ATP12A: variants seen among roughly 807,000 people sequenced by gnomAD.
ATP12A encodes potassium-transporting ATPase alpha chain 2.
Under a neutral mutation model 111.2 loss-of-function variants are expected in ATP12A, and 81 were observed. The ratio of observed to expected loss-of-function variants is 0.73; its 90% CI spans 0.61 to 0.88. The LOEUF is 0.88. ATP12A is among the 40% of genes least tolerant of loss of function. ATP12A has a pLI of 0.00. For synonymous variants in ATP12A, 498 were observed against 499.8 expected, an observed-to-expected ratio of 1.00 and a Z score of 0.05; for missense variants, 1,196 against 1,313.1, an observed-to-expected ratio of 0.91 and a Z score of 1.38.
chr13:24,690,212 G>T, intron 5 of ATP12A, 126 bp from the exon 6 acceptor site: 5 of 1,427,926 alleles, frequency 3.5e-6, no homozygotes, highest in South Asian at 1.3e-5. Flanking sequence ...TAACAGCATG[G>T]ACTCAACAGT....
chr13:24,690,880 G>A, intron 7 of ATP12A, 102 bp from the exon 8 acceptor site: 1 of 1,513,596 alleles, frequency 6.6e-7, no homozygotes. Flanking sequence ...TGGGAATGTG[G>A]TGTGCCTATC....
At chr13:24,693,991 C>G (rs1371945941) in intron 10 of ATP12A, among the ~76,000 whole-genome samples, 1 of 152,138 alleles carries the variant, frequency 6.6e-6, no homozygotes, top group African/African-American at 2.4e-5. Flanking sequence ...AAAATCTCTC[C>G]GTACTTCCCT....
chr13:24,688,348 C>T lies in ATP12A; in HGVS notation c.258C>T (p.Leu86=). The T allele has an allele frequency of 6.2e-7, 1 of 1,613,880 alleles. No homozygotes were observed. Among genetic ancestry groups the T allele is most frequent in the Non-Finnish European group, 8.5e-7 (1 of 1,179,904 alleles). Residue 86 remains leucine, a synonymous_variant, in exon 4 of 23, where the codon CTC becomes CTT. Transcript: ENST00000381946. ...TCTCCAGCACCAGAGCTGCCGAGCT[C>T]CTGGCCCGGGATGGGCCCAACTCCC... ...MGLSSTRAAE[L]LARDGPNSLT... is the part of the protein sequence containing the mutation.
intron 17 of ATP12A, among the ~76,000 whole-genome samples, chr13:24,708,900 G>GAAAGAAA (rs1172837437): frequency 8.9e-4 from 58 of 65,186 alleles, no homozygotes; most frequent in Admixed American, 2.4e-3. Context: ...AAGAAAGAAA[G>GAAAGAAA]GAAAGAAAGA....
Position 24,711,621 on chromosome 13 carries a change from C to G in ATP12A, c.*99C>G. The G allele has an allele frequency of 6.5e-7, 1 of 1,528,462 alleles. No individual in the cohort carries two copies. The highest frequency in any genetic ancestry group is 1.8e-5 in the Admixed American group (1 of 56,084). 94.7% of individuals were successfully genotyped at this position (1,528,462 alleles called of 1,614,324 possible). On this transcript the variant is annotated 3_prime_UTR_variant, in exon 23 of 23. Coordinates refer to ENST00000381946, the MANE Select transcript of ATP12A (RefSeq NM_001676.7). ...TATTCCCCTGCAGTGCAGACATCGTCAAAATTCAGACAAGAGGAAATTTTC... is the reference window on the plus strand; with the variant it reads ...TATTCCCCTGCAGTGCAGACATCGTGAAAATTCAGACAAGAGGAAATTTTC...
chr13:24,698,908 G>A lies in ATP12A; in HGVS notation c.1705+58G>A, dbSNP rs140528807. ...TGGTGGGCACAGAGATGAGGCAGGC[G>A]CCTTGAGGACCTGTGACCTAGCCCA... On this transcript the variant is annotated intron_variant, in intron 12 of 22. Coordinates refer to ENST00000381946, the MANE Select transcript of ATP12A (RefSeq NM_001676.7). 1,638 of 1,582,532 alleles carry A rather than the reference G, an allele frequency of 1.0e-3. 12 individuals are homozygous for A. In the African/African-American group the frequency reaches 0.019, roughly 19 times the overall value.
intron 11 of ATP12A, among the ~76,000 whole-genome samples, chr13:24,698,405 G>A (rs529760452): frequency 1.6e-4 from 24 of 152,148 alleles, no homozygotes; most frequent in African/African-American, 5.5e-4. Context: ...ACACGCTGAC[G>A]GCCACAACTA....
Position 24,712,050 on chromosome 13 carries a change from T to C in ATP12A, c.*528T>C. 1 of 165,856 alleles carries C rather than the reference T, an allele frequency of 6.0e-6. No individual in the cohort carries two copies. Among genetic ancestry groups the C allele is most frequent in the South Asian group, 1.6e-4 (1 of 6,314 alleles). The allele number at this position is 165,856 out of a possible 1,614,324, so 10.3% of individuals were successfully genotyped here. A position where few individuals can be genotyped will look rare whatever the true frequency, so the allele number is the denominator to read the frequency against. The stretch of plus-strand genomic sequence containing the variant: ...CAGGTTTACATCACAGCAGCACGCA[T>C]GACCTCAGCTTTGACTCGTTTAACT... On this transcript the variant is annotated 3_prime_UTR_variant, in exon 23 of 23. Transcript: ENST00000381946.
rs1273615943 is a variant in ATP12A, at chr13:24,683,732, G to A, written c.169-1582G>A. ...AGATTTTTTTTTCTACCTCTTAAGG[G>A]TTACTAGGAAGATTAAATGAGATAA... On this transcript the variant is annotated intron_variant, in intron 2 of 22. Transcript: ENST00000381946. Among the ~76,000 whole-genome samples, 3 of 152,196 alleles carry A rather than the reference G, an allele frequency of 2.0e-5. No homozygotes were observed. In the East Asian group the frequency reaches 5.8e-4, roughly 29 times the overall value.
intron 22 of ATP12A, 41 bp from the exon 23 acceptor site, chr13:24,711,453 C>T: frequency 1.2e-6 from 2 of 1,614,168 alleles, no homozygotes; most frequent in Non-Finnish European, 1.7e-6. Flanking sequence ...CCCACTTCAA[C>T]AGACTCTCCA....
chr13:24,692,674 C>T lies in ATP12A; in HGVS notation c.1267+47C>T, dbSNP rs768718274. 6 of 1,599,310 alleles carry T rather than the reference C, an allele frequency of 3.8e-6. No individual in the cohort carries two copies. In the African/African-American group the frequency reaches 4.0e-5, roughly 11 times the overall value. ...GTCTGGCCAAAGCTGTGGACTCCAT[C>T]CTGGGGCTGAGCTGAGCACACAGCA... On this transcript the variant is annotated intron_variant, in intron 9 of 22. Coordinates refer to ENST00000381946, the MANE Select transcript of ATP12A (RefSeq NM_001676.7).
chr13:24,702,735 CA>C (rs1235845771), intron 14 of ATP12A, among the ~76,000 whole-genome samples: 1 of 152,168 alleles, frequency 6.6e-6, no homozygotes, highest in Non-Finnish European at 1.5e-5. Flanking sequence ...GCAAACTGAA[CA>C]ATACTATCCA....
At chr13:24,686,380 C>T (rs1248344871) in intron 3 of ATP12A, among the ~76,000 whole-genome samples, 1 of 139,498 alleles carries the variant, frequency 7.2e-6, no homozygotes, top group Non-Finnish European at 1.5e-5. Context: ...GCAGAGGTTG[C>T]GGTGAGCCAA....
intron 3 of ATP12A, among the ~76,000 whole-genome samples, chr13:24,686,724 G>A (rs1874685278): frequency 6.6e-6 from 1 of 151,896 alleles, no homozygotes; most frequent in African/African-American, 2.4e-5. Context: ...GGGCGACAGA[G>A]CGAGACTCTG....
chr13:24,705,193 T>C (rs1875572225), intron 14 of ATP12A, among the ~76,000 whole-genome samples: 2 of 152,210 alleles, frequency 1.3e-5, no homozygotes, highest in African/African-American at 2.4e-5. Context: ...GGCTGAAATG[T>C]AGTGTTAGCC....
At chr13:24,680,797 CA>C in intron 1 of ATP12A, 45 bp downstream of exon 1, 1 of 1,471,808 alleles carries the variant, frequency 6.8e-7, no homozygotes, top group Non-Finnish European at 8.9e-7. Context: ...GACGCTGGGC[CA>C]AGGCCCCGGG....
At position 24,681,550 on chromosome 13, in the gene ATP12A, C is replaced by T; in HGVS notation, c.10-12C>T. On this transcript the variant is annotated splice_polypyrimidine_tract_variant and intron_variant, in intron 1 of 22. Transcript: ENST00000381946. ...ATTTGGGGCCAATATTGCACCTGGGCTTCTCTTTCAGAAAACCCCAGAAAT... is the reference window on the plus strand; with the variant it reads ...ATTTGGGGCCAATATTGCACCTGGGTTTCTCTTTCAGAAAACCCCAGAAAT... 1 of 1,608,782 alleles carries T rather than the reference C, an allele frequency of 6.2e-7. No homozygotes were observed. The highest frequency in any genetic ancestry group is 8.5e-7 in the Non-Finnish European group (1 of 1,178,636).
chr13:24,710,511 G>A lies in ATP12A; in HGVS notation c.2815G>A (p.Val939Ile). 1 of 1,614,214 alleles carries A rather than the reference G, an allele frequency of 6.2e-7. No individual in the cohort carries two copies. The highest frequency in any genetic ancestry group is 8.5e-7 in the Non-Finnish European group (1 of 1,180,036). Residue 939 changes from valine (V) to isoleucine (I), a missense_variant, in exon 20 of 23, where the codon GTT becomes ATT. By Grantham distance (29) the Val-to-Ile change is conservative (BLOSUM62 3). Transcript: ENST00000381946. The stretch of plus-strand genomic sequence containing the variant: ...ATGGACGGGCTACACGGCTTTCTTT[G>A]TTGGCATCCTAGTCCAGCAAATAGC... ...LEWTGYTAFF[V>I]GILVQQIADL...
At chr13:24,692,303 C>A (rs1461315630) in intron 8 of ATP12A, 126 bp from the exon 9 acceptor site, 3 of 1,016,966 alleles carry the variant, frequency 2.9e-6, no homozygotes, top group East Asian at 2.6e-5. Context: ...ACAACCACAC[C>A]TCTCCCCTAA....
Sources: allele counts gnomAD v4.1 joint callset (sites outside exome capture counted in the v4.1 genomes callset), GRCh38; gene constraint gnomAD v4.1.1; transcripts MANE v1.5; gene names NCBI Gene and HGNC (gene_info 2026-07-23, HGNC 2026-07-21).